SINHCAF: variants seen among roughly 807,000 people sequenced by gnomAD.
SINHCAF encodes SIN3-HDAC complex associated factor.
In SINHCAF, 3 loss-of-function variants were observed where a neutral mutation model predicts 25.8. The ratio of observed to expected loss-of-function variants is 0.12; its 90% CI spans 0.05 to 0.30. The LOEUF (loss-of-function observed/expected upper bound fraction) is 0.30, where lower values mean the gene tolerates loss of function less well. SINHCAF is among the 10% of genes least tolerant of loss of function. SINHCAF has a pLI of 1.00. For missense variants in SINHCAF, 121 were observed against 262.3 expected, an observed-to-expected ratio of 0.46 and a Z score of 3.72; for synonymous variants, 70 against 85.5, an observed-to-expected ratio of 0.82 and a Z score of 1.00.
chr12:31,293,977 C>A, intron 3 of SINHCAF, 46 bp from the exon 4 acceptor site: 1 of 1,499,556 alleles, frequency 6.7e-7, no homozygotes, highest in Non-Finnish European at 9.0e-7. Flanking sequence ...AAAATGACAC[C>A]AGTGTATCCC....
Position 31,324,667 on chromosome 12 carries a change from A to G in SINHCAF, c.-21+1357T>C. 3.1e-6 allele frequency: 1 copy of G among 318,540 alleles called. No individual in the cohort carries two copies. The highest frequency in any genetic ancestry group is 2.5e-5 in the South Asian group (1 of 40,756). 19.7% of individuals were successfully genotyped at this position (318,540 alleles called of 1,614,324 possible). ...ACATGCAGCCCTTTGTTTTCTGTCC[A>G]GCCGGGCGCTGCCTACGTGCAGCAT... On this transcript the variant is annotated intron_variant, in intron 1 of 5. Transcript: ENST00000337682. This position sits in a 1 kb window ranked among gnomAD's most constrained non-coding sequence, Gnocchi z 5.5.
chr12:31,283,110 G>C (rs1283061094), intron 5 of SINHCAF, among the ~76,000 whole-genome samples: 1 of 151,978 alleles, frequency 6.6e-6, no homozygotes, highest in African/African-American at 2.4e-5. Flanking sequence ...ACGGCATTTT[G>C]AAAGACAGCA....
intron 2 of SINHCAF, among the ~76,000 whole-genome samples, chr12:31,296,267 G>C (rs1291090413): frequency 6.6e-6 from 1 of 152,050 alleles, no homozygotes; most frequent in Non-Finnish European, 1.5e-5. Context: ...CCAGGTTCAA[G>C]TGATCCTCCC....
chr12:31,292,602 A>AT (rs2137081855), intron 4 of SINHCAF, among the ~76,000 whole-genome samples: 1 of 152,296 alleles, frequency 6.6e-6, no homozygotes, highest in South Asian at 2.1e-4. Flanking sequence ...AGGTAAGTGT[A>AT]TAATTAAAAT....
chr12:31,291,042 A>G (rs781489985), intron 4 of SINHCAF, among the ~76,000 whole-genome samples: 1 of 152,086 alleles, frequency 6.6e-6, no homozygotes, highest in Non-Finnish European at 1.5e-5. Context: ...TAAGTCTTAA[A>G]AATTACGTAG....
At position 31,281,006 on chromosome 12, in the gene SINHCAF, A is replaced by T. The variant is rs564025752; in HGVS notation, c.*1706T>A. The T allele has an allele frequency of 1.3e-5, 2 of 152,284 alleles. No individual in the cohort carries two copies. The highest frequency in any genetic ancestry group is 1.3e-4 in the Admixed American group (2 of 15,298). 9.4% of individuals were successfully genotyped at this position (152,284 alleles called of 1,614,324 possible). ...ATGTAGGTTTTTTCCAAAAGAAGGA[A>T]ATATAAAATGTTTAGATTAAGAACT... On this transcript the variant is annotated 3_prime_UTR_variant, in exon 6 of 6. Coordinates refer to ENST00000337682, the MANE Select transcript of SINHCAF (RefSeq NM_001135812.2).
intron 1 of SINHCAF, among the ~76,000 whole-genome samples, chr12:31,321,215 T>C (rs902335039): frequency 2.6e-5 from 4 of 151,922 alleles, no homozygotes; most frequent in Non-Finnish European, 5.9e-5. Flanking sequence ...CACCCCAAAA[T>C]CAAAACTTAA....
rs13328988 is a variant in SINHCAF at position 31,286,557 on chromosome 12, G to A, written c.506+1077C>T. 6.1e-3 allele frequency among the ~76,000 whole-genome samples: 924 copies of A among 151,914 alleles called. 13 individuals are homozygous for A. Among genetic ancestry groups the A allele is most frequent in the African/African-American group, 0.021 (873 of 41,450 alleles). ...CATGCACCTGTAATCCCAGCTACTCGGGAGGCTAAGGCAGGAGAATCACTG... is the reference window on the plus strand; with the variant it reads ...CATGCACCTGTAATCCCAGCTACTCAGGAGGCTAAGGCAGGAGAATCACTG... On this transcript the variant is annotated intron_variant, in intron 5 of 5. Transcript: ENST00000337682.
intron 1 of SINHCAF, 122 bp from the exon 2 acceptor site, chr12:31,298,346 C>T (rs1397025344): frequency 1.8e-6 from 2 of 1,121,986 alleles, no homozygotes; most frequent in Non-Finnish European, 2.6e-6. Context: ...GACAGGCAGG[C>T]AGCTCAAGGG....
In SINHCAF at chr12:31,319,356, G is replaced by A. The variant is rs575636043; in HGVS notation, c.-21+6668C>T. Reference sequence around the variant, plus strand: ...AGTCTGGCTAACATGGTGAAACACCGTTTCTACTAAAAATACAAAAAATTA... The same window carrying A: ...AGTCTGGCTAACATGGTGAAACACCATTTCTACTAAAAATACAAAAAATTA... On this transcript the variant is annotated intron_variant, in intron 1 of 5. Transcript: ENST00000337682. Among the ~76,000 whole-genome samples the A allele has an allele frequency of 4.8e-4, 73 of 152,248 alleles. No homozygotes were observed. The Middle Eastern group carries it at 0.01, about 21-fold the overall frequency.
chr12:31,308,909 C>T (rs1021161160), intron 1 of SINHCAF, among the ~76,000 whole-genome samples: 1 of 151,974 alleles, frequency 6.6e-6, no homozygotes, highest in African/African-American at 2.4e-5. Context: ...GGGTGGATCA[C>T]TTGAGGTCAG....
intron 4 of SINHCAF, among the ~76,000 whole-genome samples, chr12:31,293,487 T>C (rs1938419700): frequency 6.6e-6 from 1 of 152,210 alleles, no homozygotes; most frequent in Admixed American, 6.5e-5. Flanking sequence ...AGGACTCAAT[T>C]TCCTTATGGA....
intron 1 of SINHCAF, chr12:31,303,202 C>CTG: frequency 1.0e-6 from 1 of 985,422 alleles, no homozygotes; most frequent in Non-Finnish European, 1.2e-6. Flanking sequence ...TTAGAAGAGG[C>CTG]TGTGTCAACC....
chr12:31,287,852 A>C (rs1938142755), intron 4 of SINHCAF, 68 bp from the exon 5 acceptor site: 2 of 1,126,104 alleles, frequency 1.8e-6, no homozygotes, highest in East Asian at 5.1e-5. Flanking sequence ...ACTAAACCTC[A>C]GCATAAGACA....
chr12:31,310,475 C>A (rs1034721466), intron 1 of SINHCAF, among the ~76,000 whole-genome samples: 1 of 152,102 alleles, frequency 6.6e-6, no homozygotes, highest in Non-Finnish European at 1.5e-5. Context: ...TTTTAAAATG[C>A]CTAGTTTCTT....
At chr12:31,309,567 G>C (rs1939177531) in intron 1 of SINHCAF, among the ~76,000 whole-genome samples, 1 of 152,048 alleles carries the variant, frequency 6.6e-6, no homozygotes, top group African/African-American at 2.4e-5. Context: ...AGTTTAAAAG[G>C]AGCCTTATGG....
chr12:31,322,833 T>G (rs569517209), intron 1 of SINHCAF, among the ~76,000 whole-genome samples: 6 of 152,140 alleles, frequency 3.9e-5, no homozygotes, highest in Non-Finnish European at 8.8e-5. Context: ...ACAGATATGG[T>G]GGTGGGTATC....
At chr12:31,307,035 T>G (rs1196157947) in intron 1 of SINHCAF, among the ~76,000 whole-genome samples, 2 of 152,218 alleles carry the variant, frequency 1.3e-5, no homozygotes, top group Non-Finnish European at 2.9e-5. Flanking sequence ...CTTGTAGGTC[T>G]GTCCTTGGGG....
intron 5 of SINHCAF, among the ~76,000 whole-genome samples, chr12:31,284,504 A>C (rs1937950673): frequency 6.6e-6 from 1 of 152,170 alleles, no homozygotes; most frequent in Non-Finnish European, 1.5e-5. Flanking sequence ...TTATAATGTA[A>C]TTAAACCTGG....
Sources: allele counts gnomAD v4.1 joint callset (sites outside exome capture counted in the v4.1 genomes callset), GRCh38; gene constraint gnomAD v4.1.1; non-coding constraint Gnocchi (gnomAD v3.1); transcripts MANE v1.5; gene names NCBI Gene and HGNC (gene_info 2026-07-23, HGNC 2026-07-21).